PPP1R17: variants seen among roughly 807,000 people sequenced by gnomAD.
PPP1R17 encodes G-substrate.
In PPP1R17, 12 loss-of-function variants were observed where a neutral mutation model predicts 15.9. The ratio of observed to expected loss-of-function variants is 0.75; its 90% CI spans 0.48 to 1.22. The LOEUF (loss-of-function observed/expected upper bound fraction) is 1.22. Ranked by LOEUF, PPP1R17 falls within the 50% of genes most tolerant of loss-of-function variation. PPP1R17 has a pLI of 0.00. For missense variants in PPP1R17, 211 were observed against 187.3 expected, an observed-to-expected ratio of 1.13 and a Z score of -0.74; for synonymous variants, 63 against 64.5, an observed-to-expected ratio of 0.98 and a Z score of 0.11.
In PPP1R17 at chr7:31,707,307, G is replaced by A. The variant is rs757029324; in HGVS notation, c.*24G>A. On this transcript the variant is annotated 3_prime_UTR_variant, in exon 5 of 5. Coordinates refer to ENST00000342032, the MANE Select transcript of PPP1R17 (RefSeq NM_006658.5). ...AAAGATAGTTCCCCTGAGACCACTT[G>A]TAAATAGGTTAGATTGGTTCCCTGT... 3.8e-6 allele frequency: 6 copies of A among 1,595,376 alleles called. No individual in the cohort carries two copies. The highest frequency in any genetic ancestry group is 4.3e-6 in the Non-Finnish European group (5 of 1,164,080).
At chr7:31,688,438 C>T (rs1006263268) in intron 1 of PPP1R17, among the ~76,000 whole-genome samples, 2 of 152,178 alleles carry the variant, frequency 1.3e-5, no homozygotes, top group Non-Finnish European at 2.9e-5. Context: ...AGAGAAAAGA[C>T]AAAAAATCCA....
In PPP1R17 at chr7:31,707,618, A is replaced by C. The variant is rs1177317583; in HGVS notation, c.*335A>C. ...ATTCACGGAACAGAGATCGTGGATTACATGGGCTCCTTCTTGGTTTTTGCT... is the reference window on the plus strand; with the variant it reads ...ATTCACGGAACAGAGATCGTGGATTCCATGGGCTCCTTCTTGGTTTTTGCT... On this transcript the variant is annotated 3_prime_UTR_variant, in exon 5 of 5. Coordinates refer to ENST00000342032, the MANE Select transcript of PPP1R17 (RefSeq NM_006658.5). 1 of 231,680 alleles carries C rather than the reference A, an allele frequency of 4.3e-6. No individual in the cohort carries two copies. Among genetic ancestry groups the C allele is most frequent in the African/African-American group, 2.3e-5 (1 of 43,992 alleles). The allele number at this position is 231,680 out of a possible 1,614,324, so 14.4% of individuals were successfully genotyped here. A position where few individuals can be genotyped will look rare whatever the true frequency, so the allele number is the denominator to read the frequency against.
chr7:31,691,760 C>G (rs895626738), intron 1 of PPP1R17, among the ~76,000 whole-genome samples: 2 of 132,234 alleles, frequency 1.5e-5, no homozygotes, highest in Non-Finnish European at 3.1e-5. Context: ...GGGAGGTAGT[C>G]TCTTTACTTT....
intron 4 of PPP1R17, among the ~76,000 whole-genome samples, chr7:31,698,253 C>G (rs1583843169): frequency 6.6e-6 from 1 of 152,180 alleles, no homozygotes; most frequent in Non-Finnish European, 1.5e-5. Flanking sequence ...ACGACAGAAA[C>G]AGTCAGGGGC....
intron 4 of PPP1R17, among the ~76,000 whole-genome samples, chr7:31,699,789 ATTAT>A (rs1456268451): frequency 6.6e-6 from 1 of 151,932 alleles, no homozygotes; most frequent in Non-Finnish European, 1.5e-5. Context: ...GAATTTTATT[ATTAT>A]TATTATCATT....
intron 4 of PPP1R17, among the ~76,000 whole-genome samples, chr7:31,700,102 T>C (rs1792779809): frequency 6.6e-6 from 1 of 152,182 alleles, no homozygotes; most frequent in African/African-American, 2.4e-5. Context: ...AAGCTAGAAA[T>C]GATTAGGCTT....
At chr7:31,695,667 C>T (rs769687537) in intron 3 of PPP1R17, 46 bp downstream of exon 3, 2 of 1,555,794 alleles carry the variant, frequency 1.3e-6, no homozygotes, top group African/African-American at 1.4e-5. Context: ...GAGCCACTTG[C>T]CACTAGGTTG....
rs567973553 is a variant in PPP1R17 at position 31,700,721 on chromosome 7, G to A, written c.388+3604G>A. ...CTCTCTTGTTAGGGGATAATGCCCC[G>A]GTGACTTTAAGTTGCAGCCAATGCT... On this transcript the variant is annotated intron_variant, in intron 4 of 4. Transcript: ENST00000342032. 2.2e-3 allele frequency among the ~76,000 whole-genome samples: 338 copies of A among 152,210 alleles called. 2 individuals are homozygous for A. The highest frequency in any genetic ancestry group is 6.2e-3 in the African/African-American group (259 of 41,516).
intron 1 of PPP1R17, 62 bp from the exon 2 acceptor site, chr7:31,692,344 A>C: frequency 1.0e-6 from 1 of 988,748 alleles, no homozygotes; most frequent in Non-Finnish European, 1.5e-6. Flanking sequence ...TTTACTTAGC[A>C]AATGATTGAA....
At chr7:31,694,245 G>A (rs1444158253) in intron 2 of PPP1R17, among the ~76,000 whole-genome samples, 1 of 152,142 alleles carries the variant, frequency 6.6e-6, no homozygotes, top group Non-Finnish European at 1.5e-5. Context: ...CATTTATGAA[G>A]ATGGGAAGCT....
chr7:31,700,198 G>A (rs568041552), intron 4 of PPP1R17, among the ~76,000 whole-genome samples: 1 of 152,298 alleles, frequency 6.6e-6, no homozygotes, highest in South Asian at 2.1e-4. Context: ...GGTTGTGAAT[G>A]CAAAGGAAAA....
In PPP1R17 at chr7:31,700,225, A is replaced by G. The variant is rs535266519; in HGVS notation, c.388+3108A>G. Among the ~76,000 whole-genome samples, 8 of 152,356 alleles carry G rather than the reference A, an allele frequency of 5.3e-5. No homozygotes were observed. In the South Asian group the frequency reaches 1.7e-3, roughly 32 times the overall value. Reference sequence around the variant, plus strand: ...AAAGGAAAAGTTCTTGAAGGAAATTAAAAGTTCTACTCCAGTGAACACAGG... The same window carrying G: ...AAAGGAAAAGTTCTTGAAGGAAATTGAAAGTTCTACTCCAGTGAACACAGG... On this transcript the variant is annotated intron_variant, in intron 4 of 4. Transcript: ENST00000342032.
intron 1 of PPP1R17, among the ~76,000 whole-genome samples, chr7:31,689,143 G>A (rs949508761): frequency 2.0e-5 from 3 of 152,198 alleles, no homozygotes; most frequent in African/African-American, 4.8e-5. Context: ...CTTGTCACAA[G>A]GGTGGGTGGC....
At chr7:31,697,160 CAGGTCA>C in intron 4 of PPP1R17, 43 bp downstream of exon 4, 1 of 1,606,622 alleles carries the variant, frequency 6.2e-7, no homozygotes, top group Non-Finnish European at 8.5e-7. Context: ...GTGATGGGGA[CAGGTCA>C]AGAACCTTAC....
intron 4 of PPP1R17, among the ~76,000 whole-genome samples, chr7:31,702,239 G>C (rs994627885): frequency 2.0e-5 from 3 of 149,704 alleles, no homozygotes; most frequent in African/African-American, 7.5e-5. Context: ...ATAGATTGTT[G>C]TTCCCAAATA....
At chr7:31,704,494 G>A (rs1392934777) in intron 4 of PPP1R17, among the ~76,000 whole-genome samples, 3 of 152,214 alleles carry the variant, frequency 2.0e-5, no homozygotes, top group African/African-American at 7.2e-5. Flanking sequence ...GGAAGGAAAT[G>A]ACATTTGCTA....
Position 31,707,716 on chromosome 7 carries a change from T to C in PPP1R17, c.*433T>C. ...GGTTCCCTGTTGCCAGTTAGAGAGG[T>C]GAGAATGTTTGGACTCTAACTCACC... On this transcript the variant is annotated 3_prime_UTR_variant, in exon 5 of 5. Transcript: ENST00000342032. 1 of 164,354 alleles carries C rather than the reference T, an allele frequency of 6.1e-6. No homozygotes were observed. Among genetic ancestry groups the C allele is most frequent in the East Asian group, 1.8e-4 (1 of 5,520 alleles). 10.2% of individuals were successfully genotyped at this position (164,354 alleles called of 1,614,324 possible).
rs1793133499 is a variant in PPP1R17 at position 31,707,724 on chromosome 7, T to C, written c.*441T>C. 1 of 163,102 alleles carries C rather than the reference T, an allele frequency of 6.1e-6. No homozygotes were observed. Among genetic ancestry groups the C allele is most frequent in the Non-Finnish European group, 1.3e-5 (1 of 74,642 alleles). 10.1% of individuals were successfully genotyped at this position (163,102 alleles called of 1,614,324 possible). ...GTTGCCAGTTAGAGAGGTGAGAATG[T>C]TTGGACTCTAACTCACCGATTGCTT... is the stretch of plus-strand genomic sequence containing the variant. On this transcript the variant is annotated 3_prime_UTR_variant, in exon 5 of 5. Coordinates refer to ENST00000342032, the MANE Select transcript of PPP1R17 (RefSeq NM_006658.5).
chr7:31,692,488 G>T lies in PPP1R17; in HGVS notation c.47G>T (p.Arg16Ile). ...QMQPLELSED[R>I]LDKLDPRCSH... ...CAGCCACTGGAACTCTCAGAAGACA[G>T]ACTGGACAAGCTAGACCCTCGTTGC... Residue 16 changes from arginine (R) to isoleucine (I), a missense_variant, in exon 2 of 5, where the codon AGA (arginine) becomes ATA (isoleucine). Transcript: ENST00000342032. 1 of 1,611,720 alleles carries T rather than the reference G, an allele frequency of 6.2e-7. No homozygotes were observed. The highest frequency in any genetic ancestry group is 8.5e-7 in the Non-Finnish European group (1 of 1,177,812).
Sources: allele counts gnomAD v4.1 joint callset (sites outside exome capture counted in the v4.1 genomes callset), GRCh38; gene constraint gnomAD v4.1.1; transcripts MANE v1.5; gene names NCBI Gene and HGNC (gene_info 2026-07-23, HGNC 2026-07-21).